Variants in PCDHA10 observed in about 807,000 individuals in gnomAD.
PCDHA10 encodes protocadherin alpha-10.
PCDHA10 carries 45 observed loss-of-function variants against 61.2 expected under a neutral mutation model. The ratio of observed to expected loss-of-function variants is 0.74; its 90% CI spans 0.58 to 0.94. The LOEUF (loss-of-function observed/expected upper bound fraction) is 0.94. PCDHA10 is among the 40% of genes least tolerant of loss of function. The pLI is 0.00. For missense variants in PCDHA10, 1,278 were observed against 1,236.2 expected (o/e 1.03, Z -0.51); for synonymous variants, 602 against 548.8 (o/e 1.10, Z -1.35).
intron 1 of PCDHA10, among the ~76,000 whole-genome samples, chr5:140,972,018 A>G (rs2096514313): frequency 6.6e-6 from 1 of 152,162 alleles, no homozygotes; most frequent in Non-Finnish European, 1.5e-5. Flanking sequence ...TTTATATGGG[A>G]TATTCAGGCA....
chr5:140,967,018 G>T, intron 1 of PCDHA10: 1 of 1,607,168 alleles, frequency 6.2e-7, no homozygotes, highest in Non-Finnish European at 8.5e-7. Context: ...ATCTGGGTGC[G>T]CCCAGTCCGC....
chr5:140,941,191 T>TTTTTCTTTC lies in PCDHA10; in HGVS notation c.2389-37755_2389-37754insTCTTTCTTT, dbSNP rs1554213809. 3.1e-4 allele frequency among the ~76,000 whole-genome samples: 29 copies of TTTTTCTTTC among 93,252 alleles called. No homozygotes were observed. The East Asian group carries it at 6.1e-3, about 20-fold the overall frequency. 61.2% of individuals were successfully genotyped at this position (93,252 alleles called of 152,430 possible). On this transcript the variant is annotated intron_variant, in intron 1 of 3. Transcript: ENST00000307360. ...CATCTTGAACATCCTGCTTCTTTTT[T>TTTTTCTTTC]TTTCTTTCTTCCTTTCTTTCTTCCT...
chr5:140,899,675 C>T lies in PCDHA10; in HGVS notation c.2388+41239C>T, dbSNP rs569711192. On this transcript the variant is annotated intron_variant, in intron 1 of 3. Coordinates refer to ENST00000307360, the MANE Select transcript of PCDHA10 (RefSeq NM_018901.4). The stretch of plus-strand genomic sequence containing the variant: ...TTGTGTCTCTGCCCGGCTTTGGTAT[C>T]AGGATGATGCTGGCCTCATAAAATG... Among the ~76,000 whole-genome samples the T allele has an allele frequency of 4.6e-3, 702 of 152,296 alleles. 3 individuals are homozygous for T. The highest frequency in any genetic ancestry group is 0.016 in the African/African-American group (679 of 41,556).
At chr5:140,880,233 T>C (rs1040125802) in intron 1 of PCDHA10, among the ~76,000 whole-genome samples, 1 of 152,046 alleles carries the variant, frequency 6.6e-6, no homozygotes, top group African/African-American at 2.4e-5. Context: ...TTTAAATTAG[T>C]GTATGTGCGT....
Position 140,884,585 on chromosome 5 carries a change from A to G in PCDHA10, c.2388+26149A>G, listed in dbSNP as rs2060279044. 1.9e-6 allele frequency: 3 copies of G among 1,614,072 alleles called. No individual in the cohort carries two copies. The South Asian group carries it at 3.3e-5, about 18-fold the overall frequency. On this transcript the variant is annotated intron_variant, in intron 1 of 3. Coordinates refer to ENST00000307360, the MANE Select transcript of PCDHA10 (RefSeq NM_018901.4). ...GCATAAGACGGACCTCATGGCCTTC[A>G]GTCCCAGCCTTCCTCCTTGTCTGGG...
intron 1 of PCDHA10, among the ~76,000 whole-genome samples, chr5:140,932,192 TTC>T (rs2088100364): frequency 6.6e-6 from 1 of 151,968 alleles, no homozygotes. Context: ...GTCCATTTTT[TTC>T]TGTTAATATT....
intron 2 of PCDHA10, among the ~76,000 whole-genome samples, chr5:140,982,130 G>A (rs1298475758): frequency 6.6e-6 from 1 of 152,228 alleles, no homozygotes; most frequent in African/African-American, 2.4e-5. Context: ...TTGAGAACAA[G>A]CCCTCCTCAT....
intron 3 of PCDHA10, among the ~76,000 whole-genome samples, chr5:140,984,412 A>G (rs1189115390): frequency 5.9e-5 from 9 of 152,184 alleles, no homozygotes; most frequent in African/African-American, 2.2e-4. Flanking sequence ...TATCTTTTTT[A>G]CAGAGATAGA....
intron 1 of PCDHA10, chr5:140,967,149 C>A (rs781864120): frequency 1.3e-5 from 21 of 1,610,890 alleles, no homozygotes; most frequent in Non-Finnish European, 1.7e-5. Flanking sequence ...GCGCACAACC[C>A]CGTGGCGGTG....
intron 1 of PCDHA10, among the ~76,000 whole-genome samples, chr5:140,916,805 A>G (rs560427769): frequency 6.6e-6 from 1 of 152,152 alleles, no homozygotes; most frequent in Non-Finnish European, 1.5e-5. Context: ...ATGACTTCCT[A>G]GGTCATGTGC....
chr5:140,939,811 A>G (rs1554212933), intron 1 of PCDHA10, among the ~76,000 whole-genome samples: 1 of 152,224 alleles, frequency 6.6e-6, no homozygotes, highest in African/African-American at 2.4e-5. Context: ...CATGTTCAAG[A>G]AAAAGCAGTA....
intron 1 of PCDHA10, among the ~76,000 whole-genome samples, chr5:140,973,235 A>C (rs1390895303): frequency 6.6e-6 from 1 of 152,218 alleles, no homozygotes; most frequent in Non-Finnish European, 1.5e-5. Context: ...GTGACCTGAA[A>C]GAGTTAATTC....
intron 3 of PCDHA10, among the ~76,000 whole-genome samples, chr5:141,000,421 A>ATTTTTTTTTTT (rs34755515): frequency 3.6e-5 from 1 of 27,968 alleles, no homozygotes; most frequent in Non-Finnish European, 5.7e-5. Context: ...ATATATATAT[A>ATTTTTTTTTTT]TTTTTTTTTT....
At chr5:140,877,627 A>G (rs782765998) in intron 1 of PCDHA10, 3 of 1,613,732 alleles carry the variant, frequency 1.9e-6, no homozygotes, top group Admixed American at 3.3e-5. Context: ...GCTGCTGTAC[A>G]CTGCGCTGCG....
intron 3 of PCDHA10, chr5:140,989,029 T>C (rs1179991724): frequency 6.6e-6 from 1 of 152,170 alleles, no homozygotes. Context: ...TCAGTTATCA[T>C]TGATTCCTTT....
At chr5:140,877,821 T>A in intron 1 of PCDHA10, 1 of 1,603,344 alleles carries the variant, frequency 6.2e-7, no homozygotes, top group East Asian at 2.2e-5. Flanking sequence ...GAGAAGATTG[T>A]TTAAATCCTC....
intron 1 of PCDHA10, chr5:140,866,390 T>C (rs2049324113): frequency 6.6e-6 from 1 of 152,134 alleles, no homozygotes; most frequent in Non-Finnish European, 1.5e-5. Flanking sequence ...TTTAAAGACA[T>C]AGATTCCCAT....
chr5:140,901,249 C>T (rs1554189685), intron 1 of PCDHA10, among the ~76,000 whole-genome samples: 1 of 151,994 alleles, frequency 6.6e-6, no homozygotes, highest in Admixed American at 6.6e-5. Flanking sequence ...TCCTTTGGTT[C>T]CCTGTGATTG....
intron 1 of PCDHA10, chr5:140,864,284 T>C (rs573508000): frequency 1.3e-5 from 2 of 152,220 alleles, no homozygotes; most frequent in Non-Finnish European, 2.9e-5. Flanking sequence ...CCTTATTGTT[T>C]TTATGTATTC....
Sources: allele counts gnomAD v4.1 joint callset (sites outside exome capture counted in the v4.1 genomes callset), GRCh38; gene constraint gnomAD v4.1.1; transcripts MANE v1.5; gene names NCBI Gene and HGNC (gene_info 2026-07-23, HGNC 2026-07-21).